Variants in ANKS1B observed in about 807,000 individuals in gnomAD.
ANKS1B encodes ankyrin repeat and sterile alpha motif domain-containing protein 1B.
A neutral mutation model predicts 148.3 loss-of-function variants in ANKS1B; 36 were observed. The ratio of observed to expected loss-of-function variants is 0.24; its 90% CI spans 0.19 to 0.32. The LOEUF is 0.32. ANKS1B is among the 10% of genes least tolerant of loss of function. The pLI is 1.00. For synonymous variants in ANKS1B, 542 were observed against 560.8 expected, an observed-to-expected ratio of 0.97 and a Z score of 0.47; for missense variants, 1,157 against 1,542.6, an observed-to-expected ratio of 0.75 and a Z score of 4.19.
chr12:98,768,561 G>A (rs113499825), intron 25 of ANKS1B, among the ~76,000 whole-genome samples: 2 of 150,728 alleles, frequency 1.3e-5, no homozygotes, highest in South Asian at 2.1e-4. Context: ...GGTGAAACCC[G>A]GTCTCTACTA....
chr12:99,544,505 G>A (rs184477991), intron 9 of ANKS1B, among the ~76,000 whole-genome samples: 48 of 152,198 alleles, frequency 3.2e-4, no homozygotes, highest in African/African-American at 1.1e-3. Flanking sequence ...TTTCAAGAAC[G>A]AAACAAAATG....
At chr12:99,037,298 C>T (rs183705992) in intron 17 of ANKS1B, among the ~76,000 whole-genome samples, 19 of 152,190 alleles carry the variant, frequency 1.2e-4, no homozygotes, top group Admixed American at 1.0e-3. Flanking sequence ...GGGCAGATCA[C>T]GAGGTCAGGA....
chr12:98,904,247 T>C (rs983959874), intron 17 of ANKS1B, among the ~76,000 whole-genome samples: 3 of 151,994 alleles, frequency 2.0e-5, no homozygotes, highest in Non-Finnish European at 2.9e-5. Context: ...TACAGGTGAC[T>C]GAGTGGAGGG....
intron 9 of ANKS1B, among the ~76,000 whole-genome samples, chr12:99,631,735 T>C (rs1414399594): frequency 2.0e-5 from 3 of 152,158 alleles, no homozygotes; most frequent in Non-Finnish European, 4.4e-5. Flanking sequence ...ACATAAAAGT[T>C]GCTGCATGGT....
At chr12:99,635,001 A>T (rs2098218644) in intron 9 of ANKS1B, among the ~76,000 whole-genome samples, 1 of 152,224 alleles carries the variant, frequency 6.6e-6, no homozygotes, top group Non-Finnish European at 1.5e-5. Context: ...CAACAAGCAC[A>T]TGAAAAGATG....
chr12:98,804,664 G>A (rs2153604564), intron 20 of ANKS1B, among the ~76,000 whole-genome samples: 1 of 152,230 alleles, frequency 6.6e-6, no homozygotes, highest in Non-Finnish European at 1.5e-5. Flanking sequence ...AACCCTCCTG[G>A]AGGCTGAATT....
chr12:99,559,111 C>T (rs956420913), intron 9 of ANKS1B, among the ~76,000 whole-genome samples: 4 of 152,128 alleles, frequency 2.6e-5, no homozygotes, highest in Admixed American at 2.0e-4. Context: ...CAACTGAATC[C>T]TCTCTCCATC....
intron 14 of ANKS1B, among the ~76,000 whole-genome samples, chr12:99,201,221 G>A (rs2082031322): frequency 6.6e-6 from 1 of 152,114 alleles, no homozygotes; most frequent in Admixed American, 6.5e-5. Context: ...CTGAATCATA[G>A]TAAGGTGTCA....
chr12:99,204,366 C>A (rs558997028), intron 14 of ANKS1B, among the ~76,000 whole-genome samples: 2 of 152,140 alleles, frequency 1.3e-5, no homozygotes, highest in Non-Finnish European at 1.5e-5. Context: ...CTGTGGGAAA[C>A]CAAATTACTT....
At chr12:99,493,508 G>A (rs1269739458) in intron 10 of ANKS1B, among the ~76,000 whole-genome samples, 3 of 150,638 alleles carry the variant, frequency 2.0e-5, no homozygotes, top group East Asian at 1.9e-4. Flanking sequence ...TGGTGGTGAC[G>A]GAGATTAAGA....
intron 14 of ANKS1B, among the ~76,000 whole-genome samples, chr12:99,157,041 T>C (rs2076137785): frequency 6.6e-6 from 1 of 152,240 alleles, no homozygotes; most frequent in South Asian, 2.1e-4. Flanking sequence ...ATCCACTTTT[T>C]GAATAAGCAG....
chr12:99,622,425 G>C (rs2098064838), intron 9 of ANKS1B, among the ~76,000 whole-genome samples: 2 of 151,560 alleles, frequency 1.3e-5, no homozygotes, highest in Non-Finnish European at 3.0e-5. Context: ...GACCCCAAAA[G>C]TCATAAAAAT....
intron 9 of ANKS1B, among the ~76,000 whole-genome samples, chr12:99,595,364 C>T (rs916071964): frequency 2.0e-5 from 3 of 151,838 alleles, no homozygotes; most frequent in Non-Finnish European, 2.9e-5. Flanking sequence ...TGAGAATTTA[C>T]TCTCGTGTTA....
chr12:99,912,440 C>T (rs986149757), intron 1 of ANKS1B, among the ~76,000 whole-genome samples: 1 of 151,982 alleles, frequency 6.6e-6, no homozygotes, highest in Non-Finnish European at 1.5e-5. Flanking sequence ...CAACCTCTGC[C>T]TCCCGGGTTC....
intron 9 of ANKS1B, among the ~76,000 whole-genome samples, chr12:99,595,296 AG>A (rs1414721562): frequency 4.8e-4 from 73 of 152,050 alleles, no homozygotes; most frequent in African/African-American, 1.7e-3. Context: ...TGAGTTAGTA[AG>A]ATCTTACAAG....
At chr12:99,867,628 C>G (rs1398320915) in intron 1 of ANKS1B, among the ~76,000 whole-genome samples, 2 of 152,066 alleles carry the variant, frequency 1.3e-5, no homozygotes, top group Non-Finnish European at 2.9e-5. Flanking sequence ...TGTGGGAAAC[C>G]ACCCCCATGA....
chr12:99,723,745 C>G (rs1408175151), intron 8 of ANKS1B, among the ~76,000 whole-genome samples: 1 of 152,140 alleles, frequency 6.6e-6, no homozygotes, highest in Non-Finnish European at 1.5e-5. Flanking sequence ...ATCATACTGG[C>G]ATCAGATCGG....
rs540944071 is a variant in ANKS1B at position 99,844,843 on chromosome 12, T to A, written c.135-19454A>T. Among the ~76,000 whole-genome samples, 12 of 152,148 alleles carry A rather than the reference T, an allele frequency of 7.9e-5. No individual in the cohort carries two copies. In the South Asian group the frequency reaches 2.5e-3, roughly 32 times the overall value. On this transcript the variant is annotated intron_variant, in intron 1 of 26. Coordinates refer to ENST00000683438, the MANE Select transcript of ANKS1B (RefSeq NM_001352186.2). ...GCTTTGGGCAGTATGGCCATTTTCA[T>A]ATTAATTCTTCCTTTCCATGAGCAT...
intron 17 of ANKS1B, among the ~76,000 whole-genome samples, chr12:99,047,726 T>C (rs531082295): frequency 3.0e-4 from 46 of 152,314 alleles, no homozygotes; most frequent in Admixed American, 1.2e-3. Flanking sequence ...AGCAAAACTA[T>C]GTTTCATGAA....
Sources: allele counts gnomAD v4.1 joint callset (sites outside exome capture counted in the v4.1 genomes callset), GRCh38; gene constraint gnomAD v4.1.1; transcripts MANE v1.5; gene names NCBI Gene and HGNC (gene_info 2026-07-23, HGNC 2026-07-21).